Variants in FNDC3A observed in about 807,000 individuals in gnomAD.
FNDC3A encodes the protein fibronectin type-III domain-containing protein 3A.
FNDC3A carries 32 observed loss-of-function variants against 148.9 expected under a neutral mutation model. The ratio of observed to expected loss-of-function variants is 0.21; its 90% CI spans 0.16 to 0.29. The LOEUF (loss-of-function observed/expected upper bound fraction) is 0.29, where lower values mean the gene tolerates loss of function less well. Among genes scored for constraint, FNDC3A ranks in the 10% least tolerant of loss-of-function variants. The probability of loss-of-function intolerance (pLI) is 1.00; values close to 1 mark genes in which losing one functional copy is unlikely to be tolerated. For missense variants in FNDC3A, 1,191 were observed against 1,452.8 expected (o/e 0.82, Z 2.93); for synonymous variants, 472 against 473.6 (o/e 1.00, Z 0.04).
chr13:49,134,312 T>C (rs1355332344), intron 5 of FNDC3A, among the ~76,000 whole-genome samples: 1 of 152,214 alleles, frequency 6.6e-6, no homozygotes, highest in African/African-American at 2.4e-5. Flanking sequence ...TGTAGACTTT[T>C]GTGTCTAGTT....
At chr13:49,035,853 T>C (rs1425528736) in intron 2 of FNDC3A, among the ~76,000 whole-genome samples, 4 of 152,108 alleles carry the variant, frequency 2.6e-5, no homozygotes, top group Non-Finnish European at 4.4e-5. Context: ...CTTACTTAGG[T>C]TGAGTTATTA....
Position 49,136,334 on chromosome 13 carries a change from G to A in FNDC3A, c.493G>A (p.Ala165Thr). 1 of 1,611,472 alleles carries A rather than the reference G, an allele frequency of 6.2e-7. No homozygotes were observed. Among genetic ancestry groups the A allele is most frequent in the Non-Finnish European group, 8.5e-7 (1 of 1,178,302 alleles). The change falls in exon 6 of 26, where the codon GCT (alanine) becomes ACT (threonine). Residue 165 changes from alanine to threonine, a missense_variant and splice_region_variant. Ala to Thr is a moderately conservative substitution (Grantham distance 58). Transcript: ENST00000492622. ...ATTTTGTTTTTATTGCCTCCTAGATGCTCACTCTACACATGGAAGGTCCAA... is the reference window on the plus strand; with the variant it reads ...ATTTTGTTTTTATTGCCTCCTAGATACTCACTCTACACATGGAAGGTCCAA... Reference protein sequence around the residue: ...QSSQVYGDVDAHSTHGRSNFR... With the variant: ...QSSQVYGDVDTHSTHGRSNFR...
At chr13:49,016,232 C>T (rs1158739241) in intron 2 of FNDC3A, among the ~76,000 whole-genome samples, 2 of 152,158 alleles carry the variant, frequency 1.3e-5, no homozygotes, top group African/African-American at 4.8e-5. Flanking sequence ...CCATCTGGTC[C>T]TGGACTCTTT....
At chr13:48,998,889 C>A (rs560758463) in intron 1 of FNDC3A, among the ~76,000 whole-genome samples, 15 of 152,072 alleles carry the variant, frequency 9.9e-5, no homozygotes, top group Non-Finnish European at 2.2e-4. Flanking sequence ...ACACTGCCAG[C>A]TGAGATTAAA....
chr13:49,111,463 C>T (rs75622774), intron 3 of FNDC3A, among the ~76,000 whole-genome samples: 203 of 152,196 alleles, frequency 1.3e-3, no homozygotes, highest in African/African-American at 4.6e-3. Context: ...TGGTGGCTCA[C>T]ACCTGTAATC....
At chr13:49,177,597 C>G (rs1428283490) in intron 13 of FNDC3A, among the ~76,000 whole-genome samples, 2 of 152,086 alleles carry the variant, frequency 1.3e-5, no homozygotes, top group African/African-American at 2.4e-5. Flanking sequence ...TTCATAGCAG[C>G]ATTATTCATA....
intron 25 of FNDC3A, among the ~76,000 whole-genome samples, chr13:49,206,445 T>A (rs952045602): frequency 1.3e-5 from 2 of 152,006 alleles, no homozygotes; most frequent in Non-Finnish European, 1.5e-5. Flanking sequence ...AAAAAAAAAA[T>A]TTGCAACCTC....
intron 2 of FNDC3A, among the ~76,000 whole-genome samples, chr13:49,072,643 A>T (rs1300023678): frequency 6.6e-6 from 1 of 152,124 alleles, no homozygotes; most frequent in Non-Finnish European, 1.5e-5. Flanking sequence ...ACTGAGTTTT[A>T]AAAATAATAA....
At chr13:49,143,366 A>T (rs888280546) in intron 7 of FNDC3A, among the ~76,000 whole-genome samples, 1 of 152,152 alleles carries the variant, frequency 6.6e-6, no homozygotes, top group Non-Finnish European at 1.5e-5. Flanking sequence ...CTCAATAAAA[A>T]AATAATAATA....
At chr13:49,046,345 CT>C in intron 2 of FNDC3A, 2 of 178,460 alleles carry the variant, frequency 1.1e-5, no homozygotes, top group Non-Finnish European at 1.3e-5. Context: ...TTGAAACAAT[CT>C]TTTTGGAAGT....
At position 49,191,041 on chromosome 13, in the gene FNDC3A, T is replaced by C; in HGVS notation, c.1971T>C (p.Thr657=). The C allele has an allele frequency of 5.0e-6, 8 of 1,613,872 alleles. No individual in the cohort carries two copies. Among genetic ancestry groups the C allele is most frequent in the Non-Finnish European group, 6.8e-6 (8 of 1,179,958 alleles). The change falls in exon 18 of 26, where the codon ACT becomes ACC. Residue 657 remains threonine (T), a synonymous_variant. Transcript: ENST00000492622. ...TCTCTGAATCTTTACTTGTGCAGAC[T>C]CCAGCTGTGCCTCCTGGCCCATGCC... is the stretch of plus-strand genomic sequence containing the variant. ...SAVSESLLVQ[T]PAVPPGPCLP...
At chr13:49,060,125 T>TA (rs1876558486) in intron 2 of FNDC3A, among the ~76,000 whole-genome samples, 1 of 152,162 alleles carries the variant, frequency 6.6e-6, no homozygotes, top group African/African-American at 2.4e-5. Context: ...ACATAAGAAT[T>TA]ACCATATGAC....
chr13:48,979,291 C>T (rs556930744), intron 1 of FNDC3A, among the ~76,000 whole-genome samples: 1 of 152,228 alleles, frequency 6.6e-6, no homozygotes, highest in Admixed American at 6.5e-5. Flanking sequence ...CTAATAGTAT[C>T]ATTAGCAAAA....
intron 2 of FNDC3A, among the ~76,000 whole-genome samples, chr13:49,037,076 G>A (rs924165291): frequency 6.6e-6 from 1 of 152,216 alleles, no homozygotes; most frequent in African/African-American, 2.4e-5. Context: ...AATCTCATAA[G>A]CATTGTGTTC....
chr13:49,153,224 G>A (rs1883431117), intron 8 of FNDC3A, among the ~76,000 whole-genome samples: 1 of 150,992 alleles, frequency 6.6e-6, no homozygotes, highest in Admixed American at 6.6e-5. Flanking sequence ...ACTGGTGTGA[G>A]ATGGTATCTC....
intron 2 of FNDC3A, among the ~76,000 whole-genome samples, chr13:49,009,725 C>A (rs1385933359): frequency 1.3e-5 from 2 of 152,142 alleles, no homozygotes; most frequent in Non-Finnish European, 2.9e-5. Flanking sequence ...CTAGTGCCAC[C>A]ATCTAAAGAA....
At chr13:49,078,898 A>G (rs1426254754) in intron 3 of FNDC3A, among the ~76,000 whole-genome samples, 2 of 152,228 alleles carry the variant, frequency 1.3e-5, no homozygotes, top group Non-Finnish European at 2.9e-5. Context: ...AAGGCCATCA[A>G]GTTAGGAAAG....
At chr13:49,064,524 C>CCT (rs1322244089) in intron 2 of FNDC3A, among the ~76,000 whole-genome samples, 1 of 150,210 alleles carries the variant, frequency 6.7e-6, no homozygotes, top group East Asian at 2.0e-4. Context: ...AAAGAGATCA[C>CCT]TGAGAGTATT....
chr13:49,136,244 G>T, intron 5 of FNDC3A, 88 bp from the exon 6 acceptor site: 1 of 1,125,612 alleles, frequency 8.9e-7, no homozygotes, highest in South Asian at 1.8e-5. Flanking sequence ...AGTTTTATAT[G>T]ATAGATTTAT....
Sources: gnomAD v4.1 joint callset for allele counts (sites outside exome capture counted in the v4.1 genomes callset) on GRCh38, gnomAD v4.1.1 for gene constraint, MANE v1.5 for transcripts, NCBI Gene and HGNC (gene_info 2026-07-23, HGNC 2026-07-21) for gene names.